FGF12: variants seen among roughly 807,000 people sequenced by gnomAD.
FGF12 encodes fibroblast growth factor 12B.
FGF12 carries 14 observed loss-of-function variants against 23.6 expected under a neutral mutation model. The ratio of observed to expected loss-of-function variants is 0.59; its 90% CI spans 0.39 to 0.93. FGF12 has a LOEUF of 0.93. FGF12 is among the 40% of genes least tolerant of loss of function. FGF12 has a pLI of 0.00. For missense variants in FGF12, 175 were observed against 217.8 expected, an observed-to-expected ratio of 0.80 and a Z score of 1.24; for synonymous variants, 62 against 77.3, an observed-to-expected ratio of 0.80 and a Z score of 1.04.
intron 2 of FGF12, among the ~76,000 whole-genome samples, chr3:192,484,995 CATAAATTTTAAAATTTTAAATTTTATAT>C (rs1723590043): frequency 6.7e-6 from 1 of 149,904 alleles, no homozygotes; most frequent in African/African-American, 2.5e-5. Context: ...TATGTGTACA[CATAAATTTTAAAATTTTAAATTTTATAT>C]GTGTACACAT....
chr3:192,370,278 A>C (rs1022101844), intron 2 of FGF12, among the ~76,000 whole-genome samples: 6 of 152,198 alleles, frequency 3.9e-5, no homozygotes, highest in Non-Finnish European at 8.8e-5. Context: ...GCCTTCATAT[A>C]TGTACATGTA....
chr3:192,156,929 CCTT>C (rs1179300425), intron 5 of FGF12, among the ~76,000 whole-genome samples: 4 of 152,118 alleles, frequency 2.6e-5, no homozygotes, highest in Non-Finnish European at 4.4e-5. Context: ...CAATTTTCTT[CCTT>C]CTTCTTAATG....
intron 2 of FGF12, among the ~76,000 whole-genome samples, chr3:192,437,711 C>T (rs975683006): frequency 1.4e-5 from 2 of 145,038 alleles, no homozygotes; most frequent in Non-Finnish European, 1.5e-5. Context: ...AACAACAAAA[C>T]AAACAAACAA....
chr3:192,720,629 T>C (rs1484987255), intron 2 of FGF12, among the ~76,000 whole-genome samples: 1 of 152,204 alleles, frequency 6.6e-6, no homozygotes, highest in East Asian at 1.9e-4. Flanking sequence ...TGCATATCTA[T>C]TTTCAATCCC....
intron 4 of FGF12, among the ~76,000 whole-genome samples, chr3:192,284,602 T>C (rs1714341946): frequency 6.6e-6 from 1 of 152,074 alleles, no homozygotes; most frequent in Non-Finnish European, 1.5e-5. Flanking sequence ...CAGGTCACAC[T>C]GCAGAACAGC....
chr3:192,470,208 T>C (rs1345311361), intron 2 of FGF12, among the ~76,000 whole-genome samples: 4 of 152,210 alleles, frequency 2.6e-5, no homozygotes, highest in Non-Finnish European at 5.9e-5. Context: ...TTAAATTTAT[T>C]GTCATTCAAG....
At chr3:192,506,145 A>G (rs1450136437) in intron 2 of FGF12, among the ~76,000 whole-genome samples, 3 of 152,202 alleles carry the variant, frequency 2.0e-5, no homozygotes, top group Admixed American at 6.5e-5. Context: ...TGCATGGTCA[A>G]TGGTCTCTTA....
At chr3:192,415,718 C>A (rs1721326457) in intron 2 of FGF12, among the ~76,000 whole-genome samples, 1 of 119,486 alleles carries the variant, frequency 8.4e-6, no homozygotes. Flanking sequence ...TGATACTTCT[C>A]TTCTCTCTCT....
At chr3:192,429,975 C>T (rs2108789570) in intron 2 of FGF12, among the ~76,000 whole-genome samples, 1 of 152,246 alleles carries the variant, frequency 6.6e-6, no homozygotes, top group Admixed American at 6.5e-5. Context: ...GTCTCTGTTG[C>T]CACTATTCTA....
At chr3:192,553,098 A>G (rs933991050) in intron 2 of FGF12, among the ~76,000 whole-genome samples, 3 of 152,192 alleles carry the variant, frequency 2.0e-5, no homozygotes, top group Admixed American at 6.5e-5. Context: ...AAAATACGCT[A>G]TAATAATTTG....
intron 4 of FGF12, among the ~76,000 whole-genome samples, chr3:192,287,836 C>CA (rs1309764305): frequency 1.3e-5 from 2 of 151,346 alleles, no homozygotes; most frequent in Non-Finnish European, 2.9e-5. Context: ...ATCTTATTTT[C>CA]AAAAAAAAGA....
intron 2 of FGF12, among the ~76,000 whole-genome samples, chr3:192,496,686 C>T (rs1357892925): frequency 1.3e-5 from 2 of 152,090 alleles, no homozygotes; most frequent in Admixed American, 1.3e-4. Flanking sequence ...CCCACTTCTC[C>T]GTCGAAACTG....
chr3:192,372,391 TCA>T (rs58664869), intron 2 of FGF12, among the ~76,000 whole-genome samples: 3,080 of 148,752 alleles, frequency 0.021, 65 homozygotes, highest in African/African-American at 0.052. Context: ...TTTCATACCA[TCA>T]CACACACACA....
At chr3:192,643,939 C>A (rs890322907) in intron 2 of FGF12, among the ~76,000 whole-genome samples, 11 of 151,998 alleles carry the variant, frequency 7.2e-5, no homozygotes, top group African/African-American at 2.2e-4. Context: ...TCACTGACAC[C>A]CCACTTGAAG....
In FGF12 at chr3:192,309,687, C is replaced by T. The variant is rs148150769; in HGVS notation, c.228+25674G>A. Among the ~76,000 whole-genome samples the T allele has an allele frequency of 3.9e-3, 590 of 152,066 alleles. 3 individuals are homozygous for T. The highest frequency in any genetic ancestry group is 0.014 in the African/African-American group (563 of 41,480). On this transcript the variant is annotated intron_variant, in intron 4 of 5. Transcript: ENST00000445105. ...GAAGAAACAGGACATTGATAAATAA[C>T]GATGACAGAGAGACATGAGCACTGA...
At chr3:192,547,494 G>T (rs570457470) in intron 2 of FGF12, among the ~76,000 whole-genome samples, 21 of 152,064 alleles carry the variant, frequency 1.4e-4, no homozygotes, top group Non-Finnish European at 2.8e-4. Context: ...TTTCAGGAAG[G>T]TTGTCTCTAA....
At chr3:192,272,297 A>G (rs1030342439) in intron 4 of FGF12, among the ~76,000 whole-genome samples, 1 of 152,176 alleles carries the variant, frequency 6.6e-6, no homozygotes, top group Non-Finnish European at 1.5e-5. Flanking sequence ...TTTCGTTTCA[A>G]GCCTAACTTA....
At chr3:192,162,865 T>C (rs151004696) in intron 5 of FGF12, among the ~76,000 whole-genome samples, 2 of 152,230 alleles carry the variant, frequency 1.3e-5, no homozygotes, top group Admixed American at 6.5e-5. Flanking sequence ...TCCATTTTCA[T>C]TGCCTTTAAT....
intron 2 of FGF12, among the ~76,000 whole-genome samples, chr3:192,617,369 C>T (rs775138300): frequency 6.6e-5 from 10 of 151,900 alleles, no homozygotes; most frequent in South Asian, 2.1e-4. Flanking sequence ...AAAAGCTCCA[C>T]GGAGAGAGTG....
Sources: allele counts gnomAD v4.1 joint callset (sites outside exome capture counted in the v4.1 genomes callset), GRCh38; gene constraint gnomAD v4.1.1; transcripts MANE v1.5; gene names NCBI Gene and HGNC (gene_info 2026-07-23, HGNC 2026-07-21).